Variants in NEXMIF observed in about 807,000 individuals in gnomAD.
The protein encoded by NEXMIF is XLMR protein related to neurite extension.
A neutral mutation model predicts 62.1 loss-of-function variants in NEXMIF; 8 were observed. That is an observed-to-expected ratio of 0.13 (90% CI 0.08 to 0.23). The LOEUF (loss-of-function observed/expected upper bound fraction) is 0.23. NEXMIF is among the 10% of genes least tolerant of loss of function. The pLI is 1.00. For missense variants in NEXMIF, 976 were observed against 1,113.3 expected (o/e 0.88, Z 1.75); for synonymous variants, 404 against 416.6 (o/e 0.97, Z 0.37).
chrX:74,760,486 C>T (rs1234079940), intron 1 of NEXMIF, among the ~76,000 whole-genome samples: 2 of 111,919 alleles, frequency 1.8e-5, no homozygotes, highest in Non-Finnish European at 3.8e-5. Flanking sequence ...GGAAATGCTT[C>T]CAGCTTTTGC....
intron 1 of NEXMIF, among the ~76,000 whole-genome samples, chrX:74,877,791 G>A (rs1280511494): frequency 2.7e-5 from 3 of 111,830 alleles, no homozygotes; most frequent in Non-Finnish European, 5.6e-5. Flanking sequence ...ATCGGCTCCT[G>A]AGGCTTCTGC....
intron 1 of NEXMIF, among the ~76,000 whole-genome samples, chrX:74,752,136 A>G (rs1309567492): frequency 9.0e-6 from 1 of 111,711 alleles, no homozygotes; most frequent in East Asian, 2.8e-4. Flanking sequence ...ATTGAAACTA[A>G]TTACATGTAC....
intron 1 of NEXMIF, among the ~76,000 whole-genome samples, chrX:74,779,374 T>G (rs2080238703): frequency 8.9e-6 from 1 of 111,878 alleles, no homozygotes; most frequent in African/African-American, 3.3e-5. Flanking sequence ...AGTAGGTGTC[T>G]GTCTCTGTTC....
intron 1 of NEXMIF, among the ~76,000 whole-genome samples, chrX:74,852,839 A>G (rs2080521002): frequency 8.9e-6 from 1 of 111,803 alleles, no homozygotes; most frequent in South Asian, 3.8e-4. Flanking sequence ...CATCTAGATC[A>G]AAAAAGCAGA....
At chrX:74,813,473 G>A (rs2080366745) in intron 1 of NEXMIF, among the ~76,000 whole-genome samples, 1 of 112,184 alleles carries the variant, frequency 8.9e-6, no homozygotes, top group South Asian at 3.7e-4. Context: ...GCAATTGTAC[G>A]CATTTTAAAA....
intron 1 of NEXMIF, among the ~76,000 whole-genome samples, chrX:74,878,742 A>G (rs941303881): frequency 2.7e-5 from 3 of 112,020 alleles, no homozygotes; most frequent in Non-Finnish European, 5.7e-5. Context: ...GGTGGGAGTG[A>G]CCCGATTTTC....
chrX:74,783,345 G>A (rs376174384), intron 1 of NEXMIF, among the ~76,000 whole-genome samples: 1 of 111,825 alleles, frequency 8.9e-6, no homozygotes, highest in African/African-American at 3.2e-5. Context: ...AGGGAAAGGA[G>A]TGATTCCATC....
At chrX:74,797,033 T>C (rs1042269340) in intron 1 of NEXMIF, among the ~76,000 whole-genome samples, 3 of 112,250 alleles carry the variant, frequency 2.7e-5, no homozygotes, top group African/African-American at 9.7e-5. Context: ...TGAAATAATG[T>C]AATGAAAATG....
intron 1 of NEXMIF, among the ~76,000 whole-genome samples, chrX:74,773,007 TAACTA>T (rs1238719510): frequency 8.9e-6 from 1 of 112,166 alleles, no homozygotes; most frequent in Non-Finnish European, 1.9e-5. Flanking sequence ...ATCTGTTACT[TAACTA>T]AACACATCTG....
chrX:74,761,415 T>C (rs1217804267), intron 1 of NEXMIF, among the ~76,000 whole-genome samples: 1 of 111,581 alleles, frequency 9.0e-6, no homozygotes, highest in Non-Finnish European at 1.9e-5. Context: ...TAATTCCTTG[T>C]TCAGAAAATA....
At chrX:74,833,061 T>C (rs988999545) in intron 1 of NEXMIF, among the ~76,000 whole-genome samples, 3 of 112,882 alleles carry the variant, frequency 2.7e-5, no homozygotes, top group African/African-American at 9.7e-5. Flanking sequence ...GAATGATCCA[T>C]GTGCTGAGAA....
At chrX:74,819,213 C>A in intron 1 of NEXMIF, among the ~76,000 whole-genome samples, 1 of 111,986 alleles carries the variant, frequency 8.9e-6, no homozygotes, top group Admixed American at 9.5e-5. Flanking sequence ...AAATGTTAGA[C>A]CAAAAACCAT....
intron 1 of NEXMIF, among the ~76,000 whole-genome samples, chrX:74,812,491 A>G (rs2080363508): frequency 1.8e-5 from 2 of 111,985 alleles, no homozygotes; most frequent in South Asian, 3.7e-4. Flanking sequence ...CAAGTAATCA[A>G]TTAAGGTACT....
chrX:74,751,527 A>G (rs1256176986), intron 1 of NEXMIF, among the ~76,000 whole-genome samples: 2 of 101,356 alleles, frequency 2.0e-5, no homozygotes, highest in African/African-American at 7.3e-5. Flanking sequence ...TGGCTTTGTC[A>G]CCCAGGCTGG....
intron 1 of NEXMIF, among the ~76,000 whole-genome samples, chrX:74,899,986 A>G (rs1234970247): frequency 3.6e-5 from 4 of 111,883 alleles, no homozygotes; most frequent in Non-Finnish European, 7.5e-5. Flanking sequence ...CCTATAACTC[A>G]ATAACAAAAA....
At chrX:74,884,908 T>C (rs1201243340) in intron 1 of NEXMIF, among the ~76,000 whole-genome samples, 1 of 111,293 alleles carries the variant, frequency 9.0e-6, no homozygotes, top group East Asian at 2.8e-4. Flanking sequence ...AAAGCAGTCC[T>C]CAGCAAATGT....
rs761470214 is a variant in NEXMIF, at chrX:74,741,694, C to T, written c.2863G>A (p.Asp955Asn). The change falls in exon 3 of 4, where the codon GAT becomes AAT. Residue 955 changes from aspartate to asparagine, a missense_variant. Around this residue, in one of 5 missense-constraint regions of NEXMIF, gnomAD observed 639 missense variants for 694.5 expected, o/e 0.92. Coordinates refer to ENST00000055682, the MANE Select transcript of NEXMIF (RefSeq NM_001008537.3). The part of the protein sequence containing the change: ...CNKVLYDSMQ[D>N]TQLPSDDSYQ... ...GAGTCATCAGATGGGAGTTGGGTATCTTGCATGGAGTCATACAGGACCTTG... is the reference window on the plus strand; with the variant it reads ...GAGTCATCAGATGGGAGTTGGGTATTTTGCATGGAGTCATACAGGACCTTG... 8.3e-7 allele frequency: 1 copy of T among 1,211,813 alleles called. No homozygotes were observed. Among genetic ancestry groups the T allele is most frequent in the South Asian group, 1.8e-5 (1 of 57,006 alleles).
chrX:74,756,457 C>T (rs745725896), intron 1 of NEXMIF, among the ~76,000 whole-genome samples: 1 of 110,750 alleles, frequency 9.0e-6, no homozygotes, highest in East Asian at 2.8e-4. Context: ...AAGGCCATGT[C>T]CCCCCACCCC....
At position 74,741,962 on chromosome X, in the gene NEXMIF, T is replaced by G. The variant is rs1354049714; in HGVS notation, c.2595A>C (p.Ser865=). 3.3e-6 allele frequency: 4 copies of G among 1,209,680 alleles called. No individual in the cohort carries two copies. In the African/African-American group the frequency reaches 5.2e-5, roughly 16 times the overall value. Residue 865 remains serine, a synonymous_variant, in exon 3 of 4, where the codon TCA becomes TCC. Transcript: ENST00000055682. ...ACTGCTGCAGCTCAGAGTCAGAGGATGAGGTGAGCACACAGTCCTGGGTAG... is the reference window on the plus strand; with the variant it reads ...ACTGCTGCAGCTCAGAGTCAGAGGAGGAGGTGAGCACACAGTCCTGGGTAG... The part of the protein sequence containing the change: ...LQPTQDCVLT[S]SSDSELQQSS...
Sources: allele counts gnomAD v4.1 joint callset (sites outside exome capture counted in the v4.1 genomes callset), GRCh38; gene constraint gnomAD v4.1.1; regional missense constraint gnomAD v4.1.1; transcripts MANE v1.5; gene names NCBI Gene and HGNC (gene_info 2026-07-23, HGNC 2026-07-21).